Variants in AP2B1 observed in about 807,000 individuals in gnomAD.
AP2B1 encodes the protein adaptor related protein complex 2 subunit beta 1.
A neutral mutation model predicts 102.0 loss-of-function variants in AP2B1; 23 were observed. The observed-to-expected ratio is 0.23, with a 90% confidence interval of 0.16 to 0.32. The LOEUF (loss-of-function observed/expected upper bound fraction) is 0.32, where lower values mean the gene tolerates loss of function less well. AP2B1 is among the 10% of genes least tolerant of loss of function. AP2B1 has a pLI of 1.00. For missense variants in AP2B1, 541 were observed against 1,157.4 expected (o/e 0.47, Z 7.73); for synonymous variants, 381 against 421.2 (o/e 0.90, Z 1.17).
intron 20 of AP2B1, among the ~76,000 whole-genome samples, chr17:35,711,767 A>G (rs1393617274): frequency 2.0e-5 from 3 of 152,172 alleles, no homozygotes; most frequent in East Asian, 1.9e-4. Context: ...CACTGCACCC[A>G]GCCCAGCTTT....
intron 7 of AP2B1, 87 bp from the exon 8 acceptor site, chr17:35,627,298 A>T: frequency 1.4e-6 from 1 of 703,210 alleles, no homozygotes; most frequent in Non-Finnish European, 2.0e-6. Context: ...GAGAGCAGAG[A>T]GGCACAGATT....
rs1438937245 is a variant in AP2B1 at position 35,650,523 on chromosome 17, T to C, written c.1537-7T>C. The C allele has an allele frequency of 1.2e-6, 2 of 1,612,610 alleles. No homozygotes were observed. The highest frequency in any genetic ancestry group is 2.2e-5 in the South Asian group (2 of 90,934). The stretch of plus-strand genomic sequence containing the variant: ...TCTCCACCTCCTTGCCTTTGCCTTT[T>C]CTTTAGGATTCTGATAATCCTGACC... On this transcript the variant is annotated splice_polypyrimidine_tract_variant and splice_region_variant and intron_variant, in intron 12 of 21. Transcript: ENST00000610402.
rs376456308 is a variant in AP2B1, at chr17:35,650,634, G to C, written c.1641G>C (p.Leu547=). 5.0e-6 allele frequency: 8 copies of C among 1,614,040 alleles called. No individual in the cohort carries two copies. Among genetic ancestry groups the C allele is most frequent in the Non-Finnish European group, 6.8e-6 (8 of 1,180,032 alleles). The stretch of plus-strand genomic sequence containing the variant: ...AAGTAGTCTTGTCTGAGAAGCCACT[G>C]ATCTCTGAGGAGACGGACCTTATTG... ...AKEVVLSEKP[L]ISEETDLIEP... Residue 547 remains leucine, a synonymous_variant, in exon 13 of 22, where the codon CTG becomes CTC. Coordinates refer to ENST00000610402, the MANE Select transcript of AP2B1 (RefSeq NM_001030006.2).
chr17:35,686,636 G>A (rs587722752), intron 18 of AP2B1, among the ~76,000 whole-genome samples: 2 of 152,240 alleles, frequency 1.3e-5, no homozygotes, highest in East Asian at 1.9e-4. Flanking sequence ...GATGATAAAA[G>A]CACAGTTTAA....
chr17:35,616,884 T>G (rs1454059996), intron 5 of AP2B1, among the ~76,000 whole-genome samples: 2 of 152,220 alleles, frequency 1.3e-5, no homozygotes, highest in Non-Finnish European at 2.9e-5. Flanking sequence ...CTGGTTCTGC[T>G]ATTTCTTAGA....
rs1213888032 is a variant in AP2B1 at position 35,720,545 on chromosome 17, T to TTATATATA, written c.2782-3058_2782-3051dup. Among the ~76,000 whole-genome samples, 140 of 54,352 alleles carry TTATATATA rather than the reference T, an allele frequency of 2.6e-3. 1 individual carries two copies. Among genetic ancestry groups the TTATATATA allele is most frequent in the East Asian group, 0.01 (22 of 2,186 alleles). The allele number at this position is 54,352 out of a possible 152,430, so 35.7% of individuals were successfully genotyped here. A position where few individuals can be genotyped will look rare whatever the true frequency, so the allele number is the denominator to read the frequency against. ...TTTGTCCCATATATTTTTATTTTAT[T>TTATATATA]TATATATATATATATATATATATAT... On this transcript the variant is annotated intron_variant, in intron 21 of 21. Transcript: ENST00000610402.
intron 10 of AP2B1, among the ~76,000 whole-genome samples, chr17:35,637,039 G>A (rs189872622): frequency 2.0e-5 from 3 of 152,248 alleles, no homozygotes; most frequent in East Asian, 3.9e-4. Flanking sequence ...TACTTCACAA[G>A]TTTTTCAGAT....
In AP2B1 at chr17:35,682,013, G is replaced by C. The variant is rs1218926471; in HGVS notation, c.2325-682G>C. 2.6e-5 allele frequency among the ~76,000 whole-genome samples: 4 copies of C among 152,016 alleles called. No homozygotes were observed. The East Asian group carries it at 7.7e-4, about 29-fold the overall frequency. Reference sequence around the variant, plus strand: ...TCCTCACCTGTAATCCCAGCACTTTGGGAGGCCAAGGTGACCAAATTGCTT... The same window carrying C: ...TCCTCACCTGTAATCCCAGCACTTTCGGAGGCCAAGGTGACCAAATTGCTT... On this transcript the variant is annotated intron_variant, in intron 17 of 21. Coordinates refer to ENST00000610402, the MANE Select transcript of AP2B1 (RefSeq NM_001030006.2).
At chr17:35,641,020 A>T (rs1190036510) in intron 11 of AP2B1, among the ~76,000 whole-genome samples, 1 of 152,218 alleles carries the variant, frequency 6.6e-6, no homozygotes, top group Non-Finnish European at 1.5e-5. Flanking sequence ...ACTCAAAGCA[A>T]ATAGAAAATA....
chr17:35,648,760 G>GTGTGTGTA (rs2075010037), intron 12 of AP2B1, among the ~76,000 whole-genome samples: 2 of 151,700 alleles, frequency 1.3e-5, no homozygotes, highest in Admixed American at 1.3e-4. Flanking sequence ...GTGTGTGTGT[G>GTGTGTGTA]TGTGTGTGTG....
chr17:35,623,767 G>T (rs1397976587), intron 5 of AP2B1, among the ~76,000 whole-genome samples: 1 of 152,150 alleles, frequency 6.6e-6, no homozygotes, highest in Non-Finnish European at 1.5e-5. Flanking sequence ...AGGCTTTGTA[G>T]AAAGCACTTA....
At position 35,593,991 on chromosome 17, in the gene AP2B1, C is replaced by A. The variant is rs779442870; in HGVS notation, c.-23-17C>A. ...TATCTATAACCTGAATGAAGGAATT[C>A]TTTTCTCTTGCTATAGGTGCACATT... is the stretch of plus-strand genomic sequence containing the variant. On this transcript the variant is annotated splice_polypyrimidine_tract_variant and intron_variant, in intron 1 of 21. Coordinates refer to ENST00000610402, the MANE Select transcript of AP2B1 (RefSeq NM_001030006.2). 69 of 1,470,736 alleles carry A rather than the reference C, an allele frequency of 4.7e-5. No individual in the cohort carries two copies. The highest frequency in any genetic ancestry group is 5.7e-5 in the Non-Finnish European group (62 of 1,083,072). The allele number at this position is 1,470,736 out of a possible 1,614,324, so 91.1% of individuals were successfully genotyped here.
At chr17:35,699,094 T>G (rs2143001992) in intron 18 of AP2B1, among the ~76,000 whole-genome samples, 1 of 152,328 alleles carries the variant, frequency 6.6e-6, no homozygotes, top group African/African-American at 2.4e-5. Flanking sequence ...AGTCATAGTA[T>G]TTCAGTTTCA....
At chr17:35,595,980 A>G (rs892581833) in intron 2 of AP2B1, among the ~76,000 whole-genome samples, 1 of 151,670 alleles carries the variant, frequency 6.6e-6, no homozygotes, top group East Asian at 1.9e-4. Context: ...TGTCCTGGTG[A>G]CCTTTTTTTA....
chr17:35,720,623 A>G (rs1408502028), intron 21 of AP2B1, among the ~76,000 whole-genome samples: 5 of 107,666 alleles, frequency 4.6e-5, no homozygotes. Flanking sequence ...GGGTCTCGCT[A>G]TGTTGTGCAG....
chr17:35,635,830 C>T (rs2074593261), intron 9 of AP2B1, among the ~76,000 whole-genome samples: 1 of 151,906 alleles, frequency 6.6e-6, no homozygotes, highest in South Asian at 2.1e-4. Context: ...CCAAGTAGCT[C>T]GGATTACAGG....
chr17:35,608,361 G>C lies in AP2B1; in HGVS notation c.499G>C (p.Asp167His). Residue 167 changes from aspartate (D) to histidine (H), a missense_variant, in exon 5 of 22, where the codon GAT becomes CAT. Coordinates refer to ENST00000610402, the MANE Select transcript of AP2B1 (RefSeq NM_001030006.2). ...EDQGFLDSLRDLIADSNPMVV... is the reference protein window; with the variant it reads ...EDQGFLDSLRHLIADSNPMVV... The stretch of plus-strand genomic sequence containing the variant: ...TCAGGGATTTCTGGATTCTCTACGG[G>C]ATCTCATAGCAGATTCAAATCCAAT... The C allele has an allele frequency of 6.2e-7, 1 of 1,614,150 alleles. No individual in the cohort carries two copies. Among genetic ancestry groups the C allele is most frequent in the Non-Finnish European group, 8.5e-7 (1 of 1,180,022 alleles).
chr17:35,713,020 TG>T (rs1282078464), intron 20 of AP2B1, among the ~76,000 whole-genome samples: 59 of 152,328 alleles, frequency 3.9e-4, no homozygotes, highest in South Asian at 2.1e-3. Context: ...CTGAGGACTT[TG>T]GTCTGTCAAA....
intron 5 of AP2B1, among the ~76,000 whole-genome samples, chr17:35,611,784 A>T (rs987852860): frequency 3.3e-5 from 5 of 152,226 alleles, no homozygotes; most frequent in African/African-American, 9.6e-5. Context: ...TCATCAATAC[A>T]TGCCAATCTT....
Sources: gnomAD v4.1 joint callset for allele counts (sites outside exome capture counted in the v4.1 genomes callset) on GRCh38, gnomAD v4.1.1 for gene constraint, MANE v1.5 for transcripts, NCBI Gene and HGNC (gene_info 2026-07-23, HGNC 2026-07-21) for gene names.